SIPA1L3: variants seen among roughly 807,000 people sequenced by gnomAD.
SIPA1L3 encodes signal-induced proliferation-associated 1-like protein 3.
SIPA1L3 carries 59 observed loss-of-function variants against 150.1 expected under a neutral mutation model. The ratio of observed to expected loss-of-function variants is 0.39; its 90% CI spans 0.32 to 0.49. The LOEUF is 0.49. Among genes scored for constraint, SIPA1L3 ranks in the 20% least tolerant of loss-of-function variants. The pLI is 0.86. For synonymous variants in SIPA1L3, 1,070 were observed against 1,077.6 expected, an observed-to-expected ratio of 0.99 and a Z score of 0.14; for missense variants, 2,211 against 2,489.5, an observed-to-expected ratio of 0.89 and a Z score of 2.38.
chr19:37,991,236 A>T (rs1320234074), intron 1 of SIPA1L3, among the ~76,000 whole-genome samples: 1 of 151,966 alleles, frequency 6.6e-6, no homozygotes, highest in African/African-American at 2.4e-5. Context: ...TGTCTCAAAA[A>T]AGAAAGAAAG....
chr19:38,114,181 G>A (rs1183843316), intron 8 of SIPA1L3, among the ~76,000 whole-genome samples: 13 of 152,254 alleles, frequency 8.5e-5, no homozygotes, highest in African/African-American at 2.9e-4. Context: ...AGCACTTTGG[G>A]AGGCCAAGGT....
intron 3 of SIPA1L3, among the ~76,000 whole-genome samples, chr19:38,085,479 C>CAAAAA (rs1169340957): frequency 9.1e-5 from 6 of 66,130 alleles, no homozygotes; most frequent in African/African-American, 2.2e-4. Flanking sequence ...GACTCCGTCT[C>CAAAAA]AAAAAAAAAA....
At chr19:38,044,292 G>T (rs1010846029) in intron 2 of SIPA1L3, among the ~76,000 whole-genome samples, 1 of 152,172 alleles carries the variant, frequency 6.6e-6, no homozygotes, top group Non-Finnish European at 1.5e-5. Context: ...AGTTGGATAC[G>T]CATACCTGAA....
At chr19:38,106,467 A>G (rs1970625595) in intron 6 of SIPA1L3, 70 bp from the exon 7 acceptor site, 1 of 951,970 alleles carries the variant, frequency 1.1e-6, no homozygotes, top group Admixed American at 1.7e-5. Context: ...ACCAGCACAG[A>G]TGGTACGTGG....
intron 9 of SIPA1L3, among the ~76,000 whole-genome samples, chr19:38,122,506 T>A (rs855626): frequency 0.068 from 10,390 of 152,044 alleles, 1,185 homozygotes; most frequent in African/African-American, 0.23. Flanking sequence ...TTCGATGGTG[T>A]CCTTTCTGGT....
At chr19:37,969,575 TAAA>T (rs1433690319) in intron 1 of SIPA1L3, among the ~76,000 whole-genome samples, 2 of 151,774 alleles carry the variant, frequency 1.3e-5, no homozygotes, top group Non-Finnish European at 2.9e-5. Flanking sequence ...CACAAATAAA[TAAA>T]AAACAAAAAC....
At chr19:37,926,754 G>A (rs182011081) in intron 1 of SIPA1L3, among the ~76,000 whole-genome samples, 266 of 152,306 alleles carry the variant, frequency 1.7e-3, no homozygotes, top group Non-Finnish European at 3.0e-3. Context: ...GAAGAGCTCA[G>A]TCGGGAAGTT....
chr19:37,973,744 A>C (rs980844031), intron 1 of SIPA1L3, among the ~76,000 whole-genome samples: 2 of 152,046 alleles, frequency 1.3e-5, no homozygotes, highest in African/African-American at 4.8e-5. Context: ...TTTGTCCTTT[A>C]GTGAGGGGTA....
intron 10 of SIPA1L3, among the ~76,000 whole-genome samples, chr19:38,137,265 T>C (rs574364097): frequency 6.6e-6 from 1 of 152,214 alleles, no homozygotes; most frequent in East Asian, 1.9e-4. Context: ...CTCAGCTCAC[T>C]GCAACCTCCG....
chr19:38,192,380 G>A, intron 17 of SIPA1L3, 70 bp downstream of exon 17: 1 of 1,416,148 alleles, frequency 7.1e-7, no homozygotes, highest in Non-Finnish European at 9.5e-7. Flanking sequence ...GGCAGGCAAG[G>A]AGAAGGGCTG....
rs1000196672 is a variant in SIPA1L3, at chr19:38,047,057, T to C, written c.-311+17901T>C. Among the ~76,000 whole-genome samples, 30 of 152,276 alleles carry C rather than the reference T, an allele frequency of 2.0e-4. No individual in the cohort carries two copies. The highest frequency in any genetic ancestry group is 6.0e-4 in the African/African-American group (25 of 41,538). Reference sequence around the variant, plus strand: ...CCACTTAGTCCTCCCAAAAACCCTGTGAGGCAGGCACTATCCAGTTTTACA... The same window carrying C: ...CCACTTAGTCCTCCCAAAAACCCTGCGAGGCAGGCACTATCCAGTTTTACA... On this transcript the variant is annotated intron_variant, in intron 2 of 21. Transcript: ENST00000222345. This position sits in a 1 kb window ranked among gnomAD's most constrained non-coding sequence, Gnocchi z 4.7.
chr19:37,919,857 T>C (rs2046443720), intron 1 of SIPA1L3, among the ~76,000 whole-genome samples: 1 of 151,744 alleles, frequency 6.6e-6, no homozygotes, highest in African/African-American at 2.4e-5. Context: ...ATTATAGGCA[T>C]GCGCCACCAT....
At position 37,929,031 on chromosome 19, in the gene SIPA1L3, A is replaced by C. The variant is rs118032076; in HGVS notation, c.-379+21673A>C. ...CCACATCCAGCAGCAGAAAGAGGGCATCTCTCACTTGCTGTGTATCTCTTT... is the reference window on the plus strand; with the variant it reads ...CCACATCCAGCAGCAGAAAGAGGGCCTCTCTCACTTGCTGTGTATCTCTTT... On this transcript the variant is annotated intron_variant, in intron 1 of 21. Coordinates refer to ENST00000222345, the MANE Select transcript of SIPA1L3 (RefSeq NM_015073.3). Among the ~76,000 whole-genome samples, 1,072 of 152,336 alleles carry C rather than the reference A, an allele frequency of 7.0e-3. 35 individuals are homozygous for C. Among genetic ancestry groups the C allele is most frequent in the East Asian group, 0.069 (356 of 5,184 alleles).
intron 3 of SIPA1L3, chr19:38,087,620 A>G (rs889901504): frequency 2.0e-5 from 3 of 152,300 alleles, no homozygotes; most frequent in Non-Finnish European, 4.4e-5. Context: ...GGGTTATAAG[A>G]TAGTAGCATG....
At chr19:38,002,349 A>G (rs1967825130) in intron 1 of SIPA1L3, among the ~76,000 whole-genome samples, 1 of 152,118 alleles carries the variant, frequency 6.6e-6, no homozygotes, top group Non-Finnish European at 1.5e-5. Flanking sequence ...TTTAAGGTTC[A>G]TTCATGTTGT....
intron 19 of SIPA1L3, among the ~76,000 whole-genome samples, chr19:38,199,340 G>C (rs1258078646): frequency 1.3e-5 from 2 of 152,216 alleles, no homozygotes. Context: ...AGCGGTTGTA[G>C]TGTTGTTTGC....
chr19:38,110,419 G>A (rs901397798), intron 8 of SIPA1L3, 35 bp downstream of exon 8: 3 of 1,590,390 alleles, frequency 1.9e-6, no homozygotes, highest in East Asian at 2.3e-5. Context: ...AGCAGCGTAT[G>A]GAGAGAGGGG....
intron 8 of SIPA1L3, among the ~76,000 whole-genome samples, chr19:38,119,004 G>T (rs759684288): frequency 7.2e-5 from 11 of 152,072 alleles, no homozygotes; most frequent in Non-Finnish European, 1.6e-4. Flanking sequence ...AGACCAGCCT[G>T]GGCAACATAG....
intron 13 of SIPA1L3, among the ~76,000 whole-genome samples, chr19:38,160,606 T>A (rs577551788): frequency 6.6e-6 from 1 of 151,902 alleles, no homozygotes; most frequent in Admixed American, 6.6e-5. Flanking sequence ...GGTTTCACCA[T>A]GTTGGACAGG....
Sources: allele counts gnomAD v4.1 joint callset (sites outside exome capture counted in the v4.1 genomes callset), GRCh38; gene constraint gnomAD v4.1.1; non-coding constraint Gnocchi (gnomAD v3.1); transcripts MANE v1.5; gene names NCBI Gene and HGNC (gene_info 2026-07-23, HGNC 2026-07-21).